SMYD3: variants seen among roughly 807,000 people sequenced by gnomAD.
SMYD3 encodes SET and MYND domain containing 3, also known as histone-lysine N-methyltransferase SMYD3.
In SMYD3, 36 loss-of-function variants were observed where a neutral mutation model predicts 57.7. The ratio of observed to expected loss-of-function variants is 0.62; its 90% CI spans 0.48 to 0.82. SMYD3 has a LOEUF of 0.82. SMYD3 is among the 40% of genes least tolerant of loss of function. The pLI is 0.00. For missense variants in SMYD3, 515 were observed against 538.8 expected, an observed-to-expected ratio of 0.96 and a Z score of 0.44; for synonymous variants, 211 against 195.0, an observed-to-expected ratio of 1.08 and a Z score of -0.68.
chr1:245,878,093 G>T (rs1264047046), intron 8 of SMYD3, among the ~76,000 whole-genome samples: 1 of 152,130 alleles, frequency 6.6e-6, no homozygotes, highest in East Asian at 1.9e-4. Flanking sequence ...GAGGTCAATG[G>T]ATTTGAAATC....
At chr1:245,993,755 G>A (rs2148123059) in intron 5 of SMYD3, among the ~76,000 whole-genome samples, 2 of 152,202 alleles carry the variant, frequency 1.3e-5, no homozygotes, top group South Asian at 4.1e-4. Flanking sequence ...TAGGGAATGG[G>A]GAGTTAAAAT....
intron 10 of SMYD3, among the ~76,000 whole-genome samples, chr1:245,850,252 A>T (rs2050895630): frequency 2.6e-5 from 4 of 152,162 alleles, no homozygotes; most frequent in Admixed American, 2.0e-4. Context: ...CCACTGCACA[A>T]TTTTTGTTGA....
At chr1:246,387,697 C>A (rs2066508414) in intron 1 of SMYD3, among the ~76,000 whole-genome samples, 1 of 152,186 alleles carries the variant, frequency 6.6e-6, no homozygotes, top group Non-Finnish European at 1.5e-5. Flanking sequence ...AGTAAGAGTT[C>A]TGAAGGACTT....
chr1:245,818,459 A>G (rs1422239122), intron 10 of SMYD3, among the ~76,000 whole-genome samples: 1 of 152,218 alleles, frequency 6.6e-6, no homozygotes, highest in Admixed American at 6.5e-5. Context: ...TGTAAAGACC[A>G]TTGAGACTAG....
At chr1:245,970,470 T>C (rs1436045825) in intron 5 of SMYD3, among the ~76,000 whole-genome samples, 1 of 152,116 alleles carries the variant, frequency 6.6e-6, no homozygotes, top group Non-Finnish European at 1.5e-5. Flanking sequence ...TGGGATCTAA[T>C]TAAACTAAAG....
chr1:246,329,231 G>A (rs1322133616), intron 4 of SMYD3, among the ~76,000 whole-genome samples: 1 of 152,146 alleles, frequency 6.6e-6, no homozygotes, highest in African/African-American at 2.4e-5. Flanking sequence ...GGGTCAAATG[G>A]TATTTCTAGT....
At chr1:245,772,480 T>C (rs2046376661) in intron 10 of SMYD3, among the ~76,000 whole-genome samples, 1 of 151,782 alleles carries the variant, frequency 6.6e-6, no homozygotes, top group Non-Finnish European at 1.5e-5. Context: ...TGAGATGCCA[T>C]CTCTACAAAA....
intron 10 of SMYD3, among the ~76,000 whole-genome samples, chr1:245,840,527 A>G (rs2050346932): frequency 1.3e-5 from 2 of 152,188 alleles, no homozygotes; most frequent in African/African-American, 2.4e-5. Flanking sequence ...AGAAATTTCA[A>G]TATAGTGTTT....
At chr1:246,255,813 G>A (rs2063875162) in intron 5 of SMYD3, among the ~76,000 whole-genome samples, 1 of 147,902 alleles carries the variant, frequency 6.8e-6, no homozygotes, top group African/African-American at 2.5e-5. Context: ...TTAAATTACT[G>A]ATTCAATGTC....
In SMYD3 at chr1:246,359,777, C is replaced by A. The variant is rs183095783; in HGVS notation, c.165-4683G>T. 4.9e-3 allele frequency among the ~76,000 whole-genome samples: 747 copies of A among 152,170 alleles called. 7 individuals are homozygous for A. Among genetic ancestry groups the A allele is most frequent in the Non-Finnish European group, 8.2e-3 (560 of 67,988 alleles). On this transcript the variant is annotated intron_variant, in intron 1 of 11. Transcript: ENST00000490107. ...ATTCAGCATTCCTTTATGATTAAAA[C>A]CCTCAGCAAAATCGGCATAGAAGGG...
intron 5 of SMYD3, among the ~76,000 whole-genome samples, chr1:246,094,160 G>C (rs2147901125): frequency 6.6e-6 from 1 of 152,268 alleles, no homozygotes; most frequent in South Asian, 2.1e-4. Context: ...AGATGATGCA[G>C]TGTTTGTGAT....
At chr1:245,822,095 C>T (rs1268435135) in intron 10 of SMYD3, among the ~76,000 whole-genome samples, 1 of 152,086 alleles carries the variant, frequency 6.6e-6, no homozygotes, top group Admixed American at 6.5e-5. Flanking sequence ...GACACATGCA[C>T]ACGTATGTTT....
intron 10 of SMYD3, among the ~76,000 whole-genome samples, chr1:245,765,078 A>AC (rs1553315995): frequency 1.1e-4 from 16 of 139,608 alleles, no homozygotes; most frequent in Admixed American, 2.3e-4. Context: ...ACACACACAC[A>AC]AAACCACAGT....
chr1:245,847,946 T>C lies in SMYD3; in HGVS notation c.1076+10550A>G, dbSNP rs536334625. 9.2e-5 allele frequency among the ~76,000 whole-genome samples: 14 copies of C among 152,334 alleles called. No homozygotes were observed. The South Asian group carries it at 2.7e-3, about 29-fold the overall frequency. ...GTCAACACAAACAAATGTTTTCCTG[T>C]TCAGGTGACCTAGCCCCATACATAC... On this transcript the variant is annotated intron_variant, in intron 10 of 11. Coordinates refer to ENST00000490107, the MANE Select transcript of SMYD3 (RefSeq NM_001167740.2).
Position 246,169,241 on chromosome 1 carries a change from C to T in SMYD3, c.531+157960G>A, listed in dbSNP as rs111344968. On this transcript the variant is annotated intron_variant, in intron 5 of 11. Coordinates refer to ENST00000490107, the MANE Select transcript of SMYD3 (RefSeq NM_001167740.2). ...GAGTCACGGGTAAGCTCACGTTTAT[C>T]TTCCACACTGCAACGAATAGATAGG... is the stretch of plus-strand genomic sequence containing the variant. Among the ~76,000 whole-genome samples the T allele has an allele frequency of 1.6e-3, 246 of 152,102 alleles. 1 individual carries two copies. Among genetic ancestry groups the T allele is most frequent in the African/African-American group, 5.5e-3 (228 of 41,480 alleles).
chr1:246,246,329 C>G (rs187069391), intron 5 of SMYD3, among the ~76,000 whole-genome samples: 1 of 152,126 alleles, frequency 6.6e-6, no homozygotes, highest in East Asian at 1.9e-4. Context: ...AGTGAGGACT[C>G]TGGACATTGC....
In SMYD3 at chr1:245,776,106, A is replaced by G. The variant is rs545460922; in HGVS notation, c.1077-11957T>C. ...TCTACATCCACGAAGACCGTAAGAA[A>G]GTAACATACTTTCTTTACAATTCTT... On this transcript the variant is annotated intron_variant, in intron 10 of 11. Coordinates refer to ENST00000490107, the MANE Select transcript of SMYD3 (RefSeq NM_001167740.2). Among the ~76,000 whole-genome samples the G allele has an allele frequency of 9.2e-5, 14 of 152,370 alleles. No homozygotes were observed. The East Asian group carries it at 2.3e-3, about 25-fold the overall frequency.
intron 5 of SMYD3, among the ~76,000 whole-genome samples, chr1:246,081,560 T>C (rs112794014): frequency 0.095 from 14,465 of 152,148 alleles, 2,123 homozygotes; most frequent in African/African-American, 0.31. Context: ...ACCTGGCTAA[T>C]TTGTTGCATT....
At chr1:246,068,207 C>T (rs890056434) in intron 5 of SMYD3, among the ~76,000 whole-genome samples, 1 of 151,292 alleles carries the variant, frequency 6.6e-6, no homozygotes, top group African/African-American at 2.4e-5. Context: ...AAATCAGTTC[C>T]AGATGATTTT....
Sources: gnomAD v4.1 joint callset for allele counts (sites outside exome capture counted in the v4.1 genomes callset) on GRCh38, gnomAD v4.1.1 for gene constraint, MANE v1.5 for transcripts, NCBI Gene and HGNC (gene_info 2026-07-23, HGNC 2026-07-21) for gene names.